PREPL: variants seen among roughly 807,000 people sequenced by gnomAD.
PREPL encodes prolyl endopeptidase like.
In PREPL, 77 loss-of-function variants were observed where a neutral mutation model predicts 70.6. The ratio of observed to expected loss-of-function variants is 1.09; its 90% CI spans 0.91 to 1.32. The LOEUF (loss-of-function observed/expected upper bound fraction) is 1.32. PREPL is among the 40% of genes most tolerant of loss of function. PREPL has a pLI of 0.00. For synonymous variants in PREPL, 315 were observed against 264.8 expected (o/e 1.19, Z -1.84); for missense variants, 1,002 against 778.2 (o/e 1.29, Z -3.42).
In PREPL at chr2:44,320,573, T is replaced by C. The variant is rs761263537; in HGVS notation, c.*783A>G. The stretch of plus-strand genomic sequence containing the variant: ...TTCATCGCCAAACAGCTTTCAGAGA[T>C]AGATGCTTTGTTTCCAATCGAGCAT... On this transcript the variant is annotated 3_prime_UTR_variant, in exon 14 of 14. Transcript: ENST00000409411. 5.0e-6 allele frequency: 8 copies of C among 1,613,968 alleles called. No homozygotes were observed. In the African/African-American group the frequency reaches 5.3e-5, roughly 11 times the overall value.
chr2:44,353,808 A>G (rs544848815), intron 1 of PREPL, among the ~76,000 whole-genome samples: 6 of 152,232 alleles, frequency 3.9e-5, no homozygotes, highest in Admixed American at 3.3e-4. Context: ...ATGGATATCC[A>G]CAAGCAAAAT....
At position 44,321,890 on chromosome 2, in the gene PREPL, G is replaced by C. The variant is rs1672994762; in HGVS notation, c.1764C>G (p.Thr588=). The part of the protein sequence containing the change: ...HAKDTGEGYQ[T]PNIILDIQPG... ...GCTGAATATCTAGAATAATATTAGGGGTCTGATAGCCTGGAAGAGTTAACA... is the reference window on the plus strand; with the variant it reads ...GCTGAATATCTAGAATAATATTAGGCGTCTGATAGCCTGGAAGAGTTAACA... Residue 588 remains threonine, a synonymous_variant, in exon 13 of 14, where the codon ACC becomes ACG. Coordinates refer to ENST00000409411, the MANE Select transcript of PREPL (RefSeq NM_001171613.2). 6.2e-7 allele frequency: 1 copy of C among 1,612,894 alleles called. No homozygotes were observed. The highest frequency in any genetic ancestry group is 8.5e-7 in the Non-Finnish European group (1 of 1,179,262).
At chr2:44,330,975 C>G (rs1471849343) in intron 8 of PREPL, among the ~76,000 whole-genome samples, 4 of 152,170 alleles carry the variant, frequency 2.6e-5, no homozygotes, top group African/African-American at 7.2e-5. Flanking sequence ...CAGGATCTTA[C>G]TCTGTCACAC....
intron 8 of PREPL, among the ~76,000 whole-genome samples, chr2:44,330,430 T>G (rs1188033768): frequency 2.6e-5 from 4 of 152,200 alleles, no homozygotes; most frequent in Admixed American, 2.0e-4. Flanking sequence ...TTTGATAGAC[T>G]AGTCTAATTC....
chr2:44,352,615 T>A (rs1572565076), intron 1 of PREPL, among the ~76,000 whole-genome samples: 1 of 152,170 alleles, frequency 6.6e-6, no homozygotes, highest in African/African-American at 2.4e-5. Context: ...ATGGTAAGCT[T>A]CACAAAGGCA....
chr2:44,320,396 A>C lies in PREPL; in HGVS notation c.*960T>G. 1.9e-6 allele frequency: 3 copies of C among 1,614,050 alleles called. No homozygotes were observed. Among genetic ancestry groups the C allele is most frequent in the Non-Finnish European group, 2.5e-6 (3 of 1,179,892 alleles). ...TGAATTTTGGAGAATCAACACTGTT[A>C]AATCTACATAATATGATTTCGGGCC... On this transcript the variant is annotated 3_prime_UTR_variant, in exon 14 of 14. Coordinates refer to ENST00000409411, the MANE Select transcript of PREPL (RefSeq NM_001171613.2).
chr2:44,329,189 GAGGTGC>G (rs1673840605), intron 8 of PREPL, 77 bp from the exon 9 acceptor site: 1 of 1,223,040 alleles, frequency 8.2e-7, no homozygotes, highest in Non-Finnish European at 1.2e-6. Context: ...AAAATACATT[GAGGTGC>G]ACTGTCCCCA....
intron 7 of PREPL, among the ~76,000 whole-genome samples, chr2:44,337,826 G>A (rs976382095): frequency 6.6e-6 from 1 of 152,176 alleles, no homozygotes; most frequent in African/African-American, 2.4e-5. Context: ...GTGCTGCTGT[G>A]GAGACCACTG....
chr2:44,335,541 T>C (rs1264076599), intron 7 of PREPL, among the ~76,000 whole-genome samples: 2 of 152,140 alleles, frequency 1.3e-5, no homozygotes, highest in African/African-American at 2.4e-5. Flanking sequence ...TTACACCATA[T>C]ATACAAATCA....
At chr2:44,321,683 C>T (rs1672966967) in intron 13 of PREPL, 144 bp downstream of exon 13, 10 of 1,556,736 alleles carry the variant, frequency 6.4e-6, no homozygotes, top group Non-Finnish European at 8.7e-6. Flanking sequence ...GACACAGTGT[C>T]CCTCCCTCCC....
rs1168863409 is a variant in PREPL, at chr2:44,318,093, CTGTT to C, written c.*3259_*3262del. 4.3e-5 allele frequency: 17 copies of C among 394,772 alleles called. No individual in the cohort carries two copies. The highest frequency in any genetic ancestry group is 1.2e-4 in the African/African-American group (4 of 33,246). The allele number at this position is 394,772 out of a possible 1,614,324, so 24.5% of individuals were successfully genotyped here. ...CAATAATACTTAAAGGATCTCAACA[CTGTT>C]TTTTTTTTTTTTTGAGACAGTCTTG... On this transcript the variant is annotated 3_prime_UTR_variant, in exon 14 of 14. Coordinates refer to ENST00000409411, the MANE Select transcript of PREPL (RefSeq NM_001171613.2).
At chr2:44,343,366 C>T (rs1262093080) in intron 4 of PREPL, among the ~76,000 whole-genome samples, 1 of 152,042 alleles carries the variant, frequency 6.6e-6, no homozygotes, top group African/African-American at 2.4e-5. Context: ...TATGCTGTAA[C>T]AGCTCTATAA....
In PREPL at chr2:44,320,329, CA is replaced by C. The variant is rs775827496; in HGVS notation, c.*1026del. 25 of 1,614,022 alleles carry C rather than the reference CA, an allele frequency of 1.5e-5. No homozygotes were observed. The highest frequency in any genetic ancestry group is 2.1e-5 in the Non-Finnish European group (25 of 1,180,004). On this transcript the variant is annotated 3_prime_UTR_variant, in exon 14 of 14. Transcript: ENST00000409411. ...AATGACAGCCACTATGTTGTGTACA[CA>C]AGAGAGCTGGATGGCATCGACAGAA...
Position 44,319,018 on chromosome 2 carries a change from A to C in PREPL, c.*2338T>G, listed in dbSNP as rs1351419911. 1 of 152,238 alleles carries C rather than the reference A, an allele frequency of 6.6e-6. No individual in the cohort carries two copies. Among genetic ancestry groups the C allele is most frequent in the African/African-American group, 2.4e-5 (1 of 41,434 alleles). The allele number at this position is 152,238 out of a possible 1,614,324, so 9.4% of individuals were successfully genotyped here. ...AGCTAACACTTACCGGGCACTTCTT[A>C]TGTGAGTGGCACTGAAACATGTGCT... On this transcript the variant is annotated 3_prime_UTR_variant, in exon 14 of 14. Transcript: ENST00000409411.
chr2:44,351,703 T>C (rs780089635), intron 1 of PREPL, among the ~76,000 whole-genome samples: 1 of 152,224 alleles, frequency 6.6e-6, no homozygotes, highest in Non-Finnish European at 1.5e-5. Context: ...ATCTGACCAC[T>C]TCTCACACTT....
Position 44,320,508 on chromosome 2 carries a change from G to A in PREPL, c.*848C>T, listed in dbSNP as rs1341659874. The A allele has an allele frequency of 8.7e-6, 14 of 1,614,118 alleles. No individual in the cohort carries two copies. Among genetic ancestry groups the A allele is most frequent in the Non-Finnish European group, 1.2e-5 (14 of 1,179,976 alleles). ...TACAAGTGGCATTTTTCTGGACAAG[G>A]GAGAGGGACTCATCTTTGAACACAA... On this transcript the variant is annotated 3_prime_UTR_variant, in exon 14 of 14. Coordinates refer to ENST00000409411, the MANE Select transcript of PREPL (RefSeq NM_001171613.2).
intron 7 of PREPL, among the ~76,000 whole-genome samples, chr2:44,336,423 G>T (rs571387193): frequency 1.0e-3 from 159 of 152,172 alleles, no homozygotes; most frequent in African/African-American, 3.7e-3. Context: ...TCCTAAGCAA[G>T]CCAACAGAGG....
Position 44,329,102 on chromosome 2 carries a change from A to T in PREPL, c.1097T>A (p.Leu366Ter). The part of the protein sequence containing the change: ...RLEAKSKDGK[L>*]VPMTVFHKTD... ...TTTGTGGAAAACAGTCATTGGCACT[A>T]ATTTTCCATCCTAGAAATGAAGAAT... The change falls in exon 9 of 14, where the codon TTA becomes TAA. Residue 366 changes from leucine (L) to a stop codon, truncating the protein, a stop_gained. Transcript: ENST00000409411. LOFTEE classifies it high-confidence loss of function. 13 of 1,596,792 alleles carry T rather than the reference A, an allele frequency of 8.1e-6. No individual in the cohort carries two copies. Among genetic ancestry groups the T allele is most frequent in the Non-Finnish European group, 1.1e-5 (13 of 1,166,122 alleles).
upstream of PREPL, chr2:44,361,747 C>T (rs577785170): frequency 1.2e-4 from 56 of 471,328 alleles, no homozygotes; most frequent in African/African-American, 1.1e-3. Context: ...TCCAGTAGCC[C>T]TGCCACAGCT....
Sources: allele counts gnomAD v4.1 joint callset (sites outside exome capture counted in the v4.1 genomes callset), GRCh38; gene constraint gnomAD v4.1.1; transcripts MANE v1.5; gene names NCBI Gene and HGNC (gene_info 2026-07-23, HGNC 2026-07-21).